The following PCDHGA8 variants were observed in gnomAD, a reference collection of about 807,000 sequenced individuals.
PCDHGA8 encodes protocadherin gamma subfamily A, 8.
PCDHGA8 carries 45 observed loss-of-function variants against 59.2 expected under a neutral mutation model. The ratio of observed to expected loss-of-function variants is 0.76; its 90% CI spans 0.60 to 0.98. PCDHGA8 has a LOEUF of 0.98. Among genes scored for constraint, PCDHGA8 ranks in the 50% least tolerant of loss-of-function variants. PCDHGA8 has a pLI of 0.00. For synonymous variants in PCDHGA8, 531 were observed against 519.0 expected (o/e 1.02, Z -0.32); for missense variants, 1,257 against 1,196.2 (o/e 1.05, Z -0.75).
intron 1 of PCDHGA8, chr5:141,405,052 C>G (rs182635391): frequency 4.3e-6 from 7 of 1,613,836 alleles, no homozygotes; most frequent in Non-Finnish European, 5.9e-6. Context: ...TGGCAGTCGT[C>G]TCCTGTGTCT....
chr5:141,409,155 A>T, intron 1 of PCDHGA8: 1 of 1,614,036 alleles, frequency 6.2e-7, no homozygotes, highest in Non-Finnish European at 8.5e-7. Context: ...TACACCATGG[A>T]AGTGGAAGCG....
intron 1 of PCDHGA8, chr5:141,422,864 AC>A (rs2096680510): frequency 1.9e-6 from 3 of 1,614,190 alleles, no homozygotes; most frequent in Non-Finnish European, 2.5e-6. Flanking sequence ...CTCAGCAGCA[AC>A]GTGTCGCTGA....
At chr5:141,403,039 T>A (rs989723883) in intron 1 of PCDHGA8, 64 of 1,614,050 alleles carry the variant, frequency 4.0e-5, no homozygotes, top group Non-Finnish European at 5.4e-5. Context: ...CCAGGGCCAG[T>A]CAGATTCGCT....
intron 1 of PCDHGA8, among the ~76,000 whole-genome samples, chr5:141,455,250 A>C (rs1016027355): frequency 2.0e-5 from 3 of 152,172 alleles, no homozygotes; most frequent in Non-Finnish European, 2.9e-5. Flanking sequence ...GTCATAGTAC[A>C]ATCGCATTTC....
intron 1 of PCDHGA8, chr5:141,414,421 A>C (rs1250470349): frequency 6.2e-7 from 1 of 1,613,894 alleles, no homozygotes; most frequent in East Asian, 2.2e-5. Context: ...AGCCCTTGAC[A>C]GGGAACAGGT....
Position 141,418,514 on chromosome 5 carries a change from G to A in PCDHGA8, c.2424+23277G>A. Reference sequence around the variant, plus strand: ...GGTACTGACCGCCTTAGATGGTGGGGACCCTCCCCGAAGCGGTACTGCTCA... The same window carrying A: ...GGTACTGACCGCCTTAGATGGTGGGAACCCTCCCCGAAGCGGTACTGCTCA... On this transcript the variant is annotated intron_variant, in intron 1 of 3. Transcript: ENST00000398604. 1 of 1,613,996 alleles carries A rather than the reference G, an allele frequency of 6.2e-7. No homozygotes were observed.
At chr5:141,508,434 G>A (rs2099868795) in intron 3 of PCDHGA8, among the ~76,000 whole-genome samples, 1 of 152,160 alleles carries the variant, frequency 6.6e-6, no homozygotes, top group Admixed American at 6.5e-5. Flanking sequence ...AGCTCACACA[G>A]TTCCTTAGTG....
chr5:141,393,052 G>T lies in PCDHGA8; in HGVS notation c.239G>T (p.Arg80Leu), dbSNP rs771952632. 6.2e-7 allele frequency: 1 copy of T among 1,613,614 alleles called. No homozygotes were observed. Among genetic ancestry groups the T allele is most frequent in the Non-Finnish European group, 8.5e-7 (1 of 1,179,898 alleles). ...GRTQLFALNP[R>L]SGSLITAGRI... Reference sequence around the variant, plus strand: ...ACGCAGCTCTTTGCTCTGAACCCGCGCAGCGGCAGCTTGATCACCGCGGGC... The same window carrying T: ...ACGCAGCTCTTTGCTCTGAACCCGCTCAGCGGCAGCTTGATCACCGCGGGC... The change falls in exon 1 of 4, where the codon CGC becomes CTC. Residue 80 changes from arginine to leucine, a missense_variant. Transcript: ENST00000398604.
chr5:141,485,193 G>T lies in PCDHGA8; in HGVS notation c.2425-9614G>T. The T allele has an allele frequency of 6.2e-7, 1 of 1,613,988 alleles. No homozygotes were observed. Among genetic ancestry groups the T allele is most frequent in the Non-Finnish European group, 8.5e-7 (1 of 1,179,852 alleles). The stretch of plus-strand genomic sequence containing the variant: ...GCAGCAATGCTCCGCAAGGTGAGAA[G>T]CTGGACAGAAATCTGGCGGTGGGCT... On this transcript the variant is annotated intron_variant, in intron 1 of 3. Transcript: ENST00000398604. The surrounding 1 kb of genome is among the most constrained non-coding windows in gnomAD (Gnocchi z 5.7).
In PCDHGA8 at chr5:141,393,263, A is replaced by C; in HGVS notation, c.450A>C (p.Ala150=). 1 of 1,613,926 alleles carries C rather than the reference A, an allele frequency of 6.2e-7. No homozygotes were observed. The highest frequency in any genetic ancestry group is 8.5e-7 in the Non-Finnish European group (1 of 1,179,904). The change falls in exon 1 of 4, where the codon GCA becomes GCC. Residue 150 remains alanine, a synonymous_variant. Transcript: ENST00000398604. The stretch of plus-strand genomic sequence containing the variant: ...TTAACGAAATCGCGGTTCCTGGAGC[A>C]CGTTATCCACTCCCAGAAGCTGTTG... ...VKINEIAVPG[A]RYPLPEAVDP... is the part of the protein sequence containing the mutation.
At chr5:141,435,112 T>A (rs906494104) in intron 1 of PCDHGA8, among the ~76,000 whole-genome samples, 1 of 152,102 alleles carries the variant, frequency 6.6e-6, no homozygotes, top group Non-Finnish European at 1.5e-5. Context: ...GGGGGAGAAA[T>A]CTAATTCAAT....
chr5:141,429,651 C>G (rs62379161), intron 1 of PCDHGA8, among the ~76,000 whole-genome samples: 5,146 of 152,188 alleles, frequency 0.034, 101 homozygotes, highest in Middle Eastern at 0.088. Context: ...TATTTCTTCC[C>G]AATTTAAAAT....
chr5:141,409,041 A>G lies in PCDHGA8; in HGVS notation c.2424+13804A>G, dbSNP rs981171621. On this transcript the variant is annotated intron_variant, in intron 1 of 3. Coordinates refer to ENST00000398604, the MANE Select transcript of PCDHGA8 (RefSeq NM_032088.2). ...GGGGTCAATGCTGAGATAAACTACT[A>G]CTTCCGAAGCACTGCCCAGAGCACA... The G allele has an allele frequency of 8.7e-6, 14 of 1,613,864 alleles. No homozygotes were observed. Among genetic ancestry groups the G allele is most frequent in the Non-Finnish European group, 7.6e-6 (9 of 1,179,894 alleles).
At position 141,393,367 on chromosome 5, in the gene PCDHGA8, G is replaced by A. The variant is rs1302436646; in HGVS notation, c.554G>A (p.Gly185Glu). 1.2e-6 allele frequency: 2 copies of A among 1,613,962 alleles called. No homozygotes were observed. Among genetic ancestry groups the A allele is most frequent in the East Asian group, 2.2e-5 (1 of 44,860 alleles). Residue 185 changes from glycine to glutamate, a missense_variant, in exon 1 of 4, where the codon GGA (glycine) becomes GAA (glutamate). Coordinates refer to ENST00000398604, the MANE Select transcript of PCDHGA8 (RefSeq NM_032088.2). ...NHHFSLDVQT[G>E]DNGAINPELV... The stretch of plus-strand genomic sequence containing the variant: ...CACTTCTCCCTGGACGTGCAGACTG[G>A]AGACAATGGAGCCATAAACCCAGAG...
chr5:141,417,028 GTTT>G, intron 1 of PCDHGA8: 2 of 150,056 alleles, frequency 1.3e-5, no homozygotes, highest in East Asian at 3.9e-4. Flanking sequence ...AAAAATACAG[GTTT>G]TTTTTTTAAA....
chr5:141,414,357 A>G, intron 1 of PCDHGA8: 3 of 1,613,888 alleles, frequency 1.9e-6, no homozygotes, highest in Non-Finnish European at 2.5e-6. Flanking sequence ...TGGCGTATCT[A>G]CCATTTAAAT....
intron 1 of PCDHGA8, chr5:141,420,280 T>C: frequency 6.6e-7 from 1 of 1,513,274 alleles, no homozygotes; most frequent in Non-Finnish European, 8.9e-7. Context: ...AACAGGTAAG[T>C]ATTTAAAAAT....
intron 1 of PCDHGA8, among the ~76,000 whole-genome samples, chr5:141,445,007 G>A (rs771023003): frequency 1.5e-4 from 23 of 151,994 alleles, no homozygotes; most frequent in Non-Finnish European, 2.4e-4. Flanking sequence ...ATTTAATTAG[G>A]TCTTTAATTT....
intron 1 of PCDHGA8, chr5:141,440,405 CCACTG>C (rs2098176019): frequency 6.6e-6 from 1 of 152,126 alleles, no homozygotes; most frequent in South Asian, 2.1e-4. Flanking sequence ...GGCAATCGCA[CCACTG>C]CACTCCAGCC....
Sources: allele counts gnomAD v4.1 joint callset (sites outside exome capture counted in the v4.1 genomes callset), GRCh38; gene constraint gnomAD v4.1.1; non-coding constraint Gnocchi (gnomAD v3.1); transcripts MANE v1.5; gene names NCBI Gene and HGNC (gene_info 2026-07-23, HGNC 2026-07-21).